The following BICC1 variants were observed in gnomAD, a reference collection of about 807,000 sequenced individuals.
The protein encoded by BICC1 is protein bicaudal C homolog 1.
A neutral mutation model predicts 111.0 loss-of-function variants in BICC1; 43 were observed. The observed-to-expected ratio is 0.39, with a 90% CI of 0.30 to 0.50. The LOEUF (loss-of-function observed/expected upper bound fraction) is 0.50, where lower values mean the gene tolerates loss of function less well. Ranked by LOEUF, BICC1 falls within the 20% of genes least tolerant of loss-of-function variation. The probability of loss-of-function intolerance (pLI) is 0.88; values close to 1 mark genes in which losing one functional copy is unlikely to be tolerated. For synonymous variants in BICC1, 467 were observed against 434.4 expected (o/e 1.07, Z -0.93); for missense variants, 1,091 against 1,203.2 (o/e 0.91, Z 1.38).
chr10:58,762,032 A>G (rs1413046894), intron 3 of BICC1, among the ~76,000 whole-genome samples: 3 of 152,120 alleles, frequency 2.0e-5, no homozygotes, highest in Admixed American at 6.5e-5. Flanking sequence ...CCCTTTGCAC[A>G]TGTTTTTAAC....
intron 1 of BICC1, among the ~76,000 whole-genome samples, chr10:58,537,974 C>T (rs554607174): frequency 2.6e-5 from 4 of 151,826 alleles, no homozygotes; most frequent in Admixed American, 6.6e-5. Context: ...TCACAGGTGA[C>T]ACAAACAAAT....
chr10:58,657,938 A>G (rs968627571), intron 2 of BICC1, among the ~76,000 whole-genome samples: 1 of 152,138 alleles, frequency 6.6e-6, no homozygotes, highest in African/African-American at 2.4e-5. Flanking sequence ...TGAATTTTCA[A>G]CCATTTGCAA....
chr10:58,650,137 C>T (rs1838401069), intron 2 of BICC1: 1 of 152,122 alleles, frequency 6.6e-6, no homozygotes, highest in Non-Finnish European at 1.5e-5. Flanking sequence ...TGATCTGCAG[C>T]CCTGAAGAAG....
At chr10:58,543,823 T>A (rs1309682810) in intron 1 of BICC1, among the ~76,000 whole-genome samples, 1 of 97,792 alleles carries the variant, frequency 1.0e-5, no homozygotes, top group Non-Finnish European at 2.0e-5. Flanking sequence ...TTTTTTTTTT[T>A]AACCATAATT....
At chr10:58,616,943 C>T (rs1343520235) in intron 1 of BICC1, among the ~76,000 whole-genome samples, 1 of 152,198 alleles carries the variant, frequency 6.6e-6, no homozygotes, top group Non-Finnish European at 1.5e-5. Context: ...GATGGTGCGG[C>T]TGAGACCACC....
chr10:58,691,773 A>G (rs1468665534), intron 2 of BICC1, among the ~76,000 whole-genome samples: 2 of 151,862 alleles, frequency 1.3e-5, no homozygotes, highest in Non-Finnish European at 2.9e-5. Context: ...CACTGCACTC[A>G]CCCCACTACT....
rs1224903414 is a variant in BICC1 at position 58,635,869 on chromosome 10, T to C, written c.237+14968T>C. Among the ~76,000 whole-genome samples the C allele has an allele frequency of 3.3e-5, 5 of 152,218 alleles. No individual in the cohort carries two copies. In the East Asian group the frequency reaches 7.7e-4, roughly 23 times the overall value. ...TGTCTCTGGCCCTCTCCATTAGTTA[T>C]ATATTTAAAAGTCCGTCATTTGGCA... On this transcript the variant is annotated intron_variant, in intron 2 of 20. Coordinates refer to ENST00000373886, the MANE Select transcript of BICC1 (RefSeq NM_001080512.3).
At chr10:58,733,288 G>C (rs1841373476) in intron 3 of BICC1, among the ~76,000 whole-genome samples, 1 of 152,200 alleles carries the variant, frequency 6.6e-6, no homozygotes, top group Non-Finnish European at 1.5e-5. Flanking sequence ...GTGAGTGAGT[G>C]AATGAATAAT....
intron 1 of BICC1, among the ~76,000 whole-genome samples, chr10:58,517,730 G>A (rs1279293279): frequency 6.6e-6 from 1 of 152,138 alleles, no homozygotes; most frequent in Non-Finnish European, 1.5e-5. Context: ...ATCACTTGGC[G>A]ACCTCATTTC....
At chr10:58,649,392 T>C (rs1009033855) in intron 2 of BICC1, among the ~76,000 whole-genome samples, 1 of 152,174 alleles carries the variant, frequency 6.6e-6, no homozygotes, top group African/African-American at 2.4e-5. Flanking sequence ...CTCTCTCTGA[T>C]AACCCACCCA....
intron 1 of BICC1, among the ~76,000 whole-genome samples, chr10:58,568,622 C>T (rs976241764): frequency 1.3e-5 from 2 of 152,142 alleles, no homozygotes; most frequent in African/African-American, 4.8e-5. Context: ...CATCAGCACA[C>T]CACATCCACT....
intron 1 of BICC1, among the ~76,000 whole-genome samples, chr10:58,602,158 T>C (rs1278254661): frequency 6.6e-6 from 1 of 152,154 alleles, no homozygotes; most frequent in African/African-American, 2.4e-5. Flanking sequence ...GAAAAGCAGC[T>C]GAGAAGATAG....
intron 3 of BICC1, among the ~76,000 whole-genome samples, chr10:58,704,305 C>T (rs189234518): frequency 2.2e-3 from 337 of 152,076 alleles, no homozygotes; most frequent in African/African-American, 7.4e-3. Flanking sequence ...CTATATGATG[C>T]GCAGAATGCA....
chr10:58,557,548 A>G (rs112916309), intron 1 of BICC1, among the ~76,000 whole-genome samples: 3 of 151,890 alleles, frequency 2.0e-5, no homozygotes, highest in Non-Finnish European at 4.4e-5. Flanking sequence ...AATTTTTTCC[A>G]GTATTTTAAA....
At chr10:58,588,330 A>ATCTGGTGGTGGGAGCAGAGGT (rs1214294562) in intron 1 of BICC1, among the ~76,000 whole-genome samples, 1 of 152,176 alleles carries the variant, frequency 6.6e-6, no homozygotes, top group Non-Finnish European at 1.5e-5. Flanking sequence ...TAGATGATAC[A>ATCTGGTGGTGGGAGCAGAGGT]TCTGGTGGTG....
intron 6 of BICC1, 71 bp downstream of exon 6, chr10:58,788,494 A>T (rs1843077921): frequency 1.9e-6 from 2 of 1,071,816 alleles, no homozygotes; most frequent in Non-Finnish European, 2.8e-6. Context: ...CTAAAAATAT[A>T]ATAATTTATC....
chr10:58,625,594 T>G (rs1198807287), intron 2 of BICC1, among the ~76,000 whole-genome samples: 1 of 152,230 alleles, frequency 6.6e-6, no homozygotes, highest in Non-Finnish European at 1.5e-5. Flanking sequence ...AAACCATGGC[T>G]TGTCACAAAG....
chr10:58,691,348 G>T (rs527658739), intron 2 of BICC1, among the ~76,000 whole-genome samples: 2 of 152,268 alleles, frequency 1.3e-5, no homozygotes, highest in East Asian at 3.9e-4. Flanking sequence ...CATGAGATCT[G>T]ATAGAAGATC....
At chr10:58,820,249 T>A in intron 19 of BICC1, 120 bp from the exon 20 acceptor site, 1 of 609,364 alleles carries the variant, frequency 1.6e-6, no homozygotes, top group Non-Finnish European at 2.9e-6. Flanking sequence ...CTACCACCTT[T>A]CTTTTCTGGA....
Sources: allele counts gnomAD v4.1 joint callset (sites outside exome capture counted in the v4.1 genomes callset), GRCh38; gene constraint gnomAD v4.1.1; transcripts MANE v1.5; gene names NCBI Gene and HGNC (gene_info 2026-07-23, HGNC 2026-07-21).